ALOXE3: variants seen among roughly 807,000 people sequenced by gnomAD.
ALOXE3 encodes arachidonate epidermal lipoxygenase 3.
A neutral mutation model predicts 87.5 loss-of-function variants in ALOXE3; 78 were observed. The ratio of observed to expected loss-of-function variants is 0.89; its 90% CI spans 0.74 to 1.08. The LOEUF (loss-of-function observed/expected upper bound fraction) is 1.08. Among genes scored for constraint, ALOXE3 ranks in the 50% least tolerant of loss-of-function variants. The pLI is 0.00. For synonymous variants in ALOXE3, 363 were observed against 370.8 expected (o/e 0.98, Z 0.24); for missense variants, 946 against 912.4 (o/e 1.04, Z -0.47).
In ALOXE3 at chr17:8,110,391, G is replaced by A. The variant is rs768876816; in HGVS notation, c.1095C>T (p.Ala365=). The A allele has an allele frequency of 1.2e-6, 2 of 1,606,794 alleles. No individual in the cohort carries two copies. The highest frequency in any genetic ancestry group is 1.7e-6 in the Non-Finnish European group (2 of 1,175,700). Reference sequence around the variant, plus strand: ...GCGGCGGCGCCGGGCTCACCTGGATGGCCAAGGGCACCAGCGCCCCCTGGG... The same window carrying A: ...GCGGCGGCGCCGGGCTCACCTGGATAGCCAAGGGCACCAGCGCCCCCTGGG... The part of the protein sequence containing the change: ...LSPQGALVPL[A]IQLSQTPGPD... Residue 365 remains alanine, a synonymous_variant, in exon 9 of 16, where the codon GCC becomes GCT. Coordinates refer to ENST00000448843, the MANE Select transcript of ALOXE3 (RefSeq NM_021628.3).
In ALOXE3 at chr17:8,096,581, C is replaced by T; in HGVS notation, c.*46G>A. 1.1e-6 allele frequency: 1 copy of T among 926,422 alleles called. No homozygotes were observed. The highest frequency in any genetic ancestry group is 1.3e-5 in the South Asian group (1 of 77,480). 57.4% of individuals were successfully genotyped at this position (926,422 alleles called of 1,614,324 possible). A position where few individuals can be genotyped will look rare whatever the true frequency, so the allele number is the denominator to read the frequency against. ...TGGAGGACCTGAGGAACTGGTCCTCCTCATGCTTGGACCTTTCTTTCTTCT... is the reference window on the plus strand; with the variant it reads ...TGGAGGACCTGAGGAACTGGTCCTCTTCATGCTTGGACCTTTCTTTCTTCT... On this transcript the variant is annotated 3_prime_UTR_variant, in exon 16 of 16. Transcript: ENST00000448843.
rs1979549996 is a variant in ALOXE3 at position 8,107,926 on chromosome 17, AAAG to A, written c.1684+539_1684+541del. Among the ~76,000 whole-genome samples the A allele has an allele frequency of 2.6e-3, 16 of 6,162 alleles. 2 individuals carry two copies. Among genetic ancestry groups the A allele is most frequent in the Admixed American group, 6.5e-3 (5 of 774 alleles). The allele number at this position is 6,162 out of a possible 152,430, so 4.0% of individuals were successfully genotyped here. On this transcript the variant is annotated intron_variant, in intron 13 of 15. Transcript: ENST00000448843. ...GAAAGAAAGAAAGAAAGAAAGAAAG[AAAG>A]AAAGAAAGAAAGAAAGAAAGAAAGA...
At chr17:8,097,980 C>T (rs1036216136) in intron 15 of ALOXE3, among the ~76,000 whole-genome samples, 5 of 151,964 alleles carry the variant, frequency 3.3e-5, no homozygotes, top group Non-Finnish European at 5.9e-5. Flanking sequence ...ATCTCCTGAC[C>T]TCGTGATCTG....
At chr17:8,097,133 GAA>G (rs904116024) in intron 15 of ALOXE3, among the ~76,000 whole-genome samples, 1 of 151,618 alleles carries the variant, frequency 6.6e-6, no homozygotes, top group Non-Finnish European at 1.5e-5. Flanking sequence ...GGTTGAACTA[GAA>G]AAAAAAATTT....
chr17:8,110,074 C>G lies in ALOXE3; in HGVS notation c.1305+18G>C. 1 of 1,602,268 alleles carries G rather than the reference C, an allele frequency of 6.2e-7. No individual in the cohort carries two copies. The highest frequency in any genetic ancestry group is 1.1e-5 in the South Asian group (1 of 89,996). On this transcript the variant is annotated intron_variant, in intron 10 of 15. Coordinates refer to ENST00000448843, the MANE Select transcript of ALOXE3 (RefSeq NM_021628.3). ...GCCCGGCCCCTGCCCCGCTGGGCCC[C>G]CACCCGGGGTCGCGGACCTTGTAGA...
intron 13 of ALOXE3, among the ~76,000 whole-genome samples, chr17:8,107,334 T>C (rs1979394094): frequency 6.6e-6 from 1 of 152,108 alleles, no homozygotes; most frequent in Non-Finnish European, 1.5e-5. Context: ...CTGTCCAACA[T>C]GGCAAAACTG....
At chr17:8,105,301 C>G (rs371736666) in intron 13 of ALOXE3, among the ~76,000 whole-genome samples, 25 of 152,264 alleles carry the variant, frequency 1.6e-4, no homozygotes, top group African/African-American at 6.0e-4. Context: ...TACTATACCT[C>G]TGCCTGCTAC....
intron 4 of ALOXE3, 51 bp downstream of exon 4, chr17:8,115,556 A>T: frequency 6.5e-7 from 1 of 1,538,218 alleles, no homozygotes; most frequent in South Asian, 1.1e-5. Context: ...TCTGATTAAG[A>T]CTGAGGTCAG....
Position 8,103,281 on chromosome 17 carries a change from G to GC in ALOXE3, c.1956+41dup, listed in dbSNP as rs756639271. ...GAAGCCACCACCACCCCTACTGGTG[G>GC]CCCTAAAGAACCCTACTCCCCTCAA... On this transcript the variant is annotated intron_variant, in intron 15 of 15. Transcript: ENST00000448843. 87 of 1,609,578 alleles carry GC rather than the reference G, an allele frequency of 5.4e-5. No homozygotes were observed. In the East Asian group the frequency reaches 1.7e-3, roughly 32 times the overall value.
chr17:8,104,069 C>T (rs1567993342), intron 14 of ALOXE3, 46 bp downstream of exon 14: 2 of 1,552,122 alleles, frequency 1.3e-6, no homozygotes, highest in Non-Finnish European at 1.8e-6. Flanking sequence ...GCCTCAAGTC[C>T]ATTGCTGAGA....
intron 12 of ALOXE3, 107 bp from the exon 13 acceptor site, chr17:8,108,696 G>A: frequency 6.7e-7 from 1 of 1,499,136 alleles, no homozygotes; most frequent in African/African-American, 1.4e-5. Flanking sequence ...ATAGCCATGG[G>A]GGTTCAGCAG....
Position 8,109,165 on chromosome 17 carries a change from A to G in ALOXE3, c.1562+9T>C. ...GGTGGGACTGCTGGTCCCGCCCCGC[A>G]CCTCGCACCTCTCAATGGCCGCCCA... On this transcript the variant is annotated intron_variant, in intron 12 of 15. Coordinates refer to ENST00000448843, the MANE Select transcript of ALOXE3 (RefSeq NM_021628.3). 1 of 1,612,666 alleles carries G rather than the reference A, an allele frequency of 6.2e-7. No homozygotes were observed. The highest frequency in any genetic ancestry group is 8.5e-7 in the Non-Finnish European group (1 of 1,179,988).
chr17:8,111,617 T>C, intron 7 of ALOXE3, 86 bp from the exon 8 acceptor site: 1 of 1,470,908 alleles, frequency 6.8e-7, no homozygotes, highest in Non-Finnish European at 9.5e-7. Context: ...ATCATTGTGG[T>C]TTAGGTTTTC....
At chr17:8,112,288 G>T in intron 6 of ALOXE3, 92 bp from the exon 7 acceptor site, 2 of 955,338 alleles carry the variant, frequency 2.1e-6, no homozygotes, top group South Asian at 1.3e-5. Context: ...AACTGACGGG[G>T]TCCATCCCCA....
chr17:8,107,483 C>G (rs1979406379), intron 13 of ALOXE3, among the ~76,000 whole-genome samples: 1 of 152,144 alleles, frequency 6.6e-6, no homozygotes, highest in South Asian at 2.1e-4. Flanking sequence ...TGCCTCCACA[C>G]TCCAGCCTGG....
chr17:8,104,883 T>C (rs1979177846), intron 13 of ALOXE3, among the ~76,000 whole-genome samples: 1 of 152,146 alleles, frequency 6.6e-6, no homozygotes, highest in Non-Finnish European at 1.5e-5. Flanking sequence ...CTTGGTCCAT[T>C]CATGCTGTGC....
chr17:8,102,846 G>T (rs1979009861), intron 15 of ALOXE3, among the ~76,000 whole-genome samples: 1 of 152,160 alleles, frequency 6.6e-6, no homozygotes, highest in Non-Finnish European at 1.5e-5. Context: ...CCATAACAGT[G>T]TCTGGGTCAC....
intron 6 of ALOXE3, among the ~76,000 whole-genome samples, chr17:8,112,987 AT>A (rs1411808878): frequency 6.6e-6 from 1 of 152,010 alleles, no homozygotes; most frequent in Non-Finnish European, 1.5e-5. Context: ...CTGCAACATT[AT>A]TTTATAATAT....
chr17:8,114,891 C>T, intron 5 of ALOXE3, 47 bp downstream of exon 5: 1 of 1,613,088 alleles, frequency 6.2e-7, no homozygotes, highest in Non-Finnish European at 8.5e-7. Context: ...CCCGACAGAC[C>T]TTCCACTTGA....
Sources: gnomAD v4.1 joint callset for allele counts (sites outside exome capture counted in the v4.1 genomes callset) on GRCh38, gnomAD v4.1.1 for gene constraint, MANE v1.5 for transcripts, NCBI Gene and HGNC (gene_info 2026-07-23, HGNC 2026-07-21) for gene names.